The following MCF2L2 variants were observed in gnomAD, a reference collection of about 807,000 sequenced individuals.
MCF2L2 encodes the protein MCF.2 cell line derived transforming sequence-like 2.
In MCF2L2, 102 loss-of-function variants were observed where a neutral mutation model predicts 150.2. The ratio of observed to expected loss-of-function variants is 0.68; its 90% CI spans 0.58 to 0.80. MCF2L2 has a LOEUF of 0.80. MCF2L2 is among the 30% of genes least tolerant of loss of function. MCF2L2 has a pLI of 0.00. For missense variants in MCF2L2, 1,256 were observed against 1,372.8 expected (o/e 0.91, Z 1.34); for synonymous variants, 465 against 491.3 (o/e 0.95, Z 0.71).
At chr3:183,385,212 C>T (rs1304563866) in intron 2 of MCF2L2, among the ~76,000 whole-genome samples, 1 of 151,842 alleles carries the variant, frequency 6.6e-6, no homozygotes, top group Admixed American at 6.6e-5. Flanking sequence ...TTATTTTAAC[C>T]TTTTTAATAT....
chr3:183,303,194 C>CAAAAAAA (rs56742154), intron 10 of MCF2L2, among the ~76,000 whole-genome samples: 1 of 123,970 alleles, frequency 8.1e-6, no homozygotes, highest in African/African-American at 3.2e-5. Flanking sequence ...ACTCTGTCTC[C>CAAAAAAA]AAAAAAAAAA....
intron 3 of MCF2L2, chr3:183,378,834 A>T (rs1236955104): frequency 1.3e-5 from 2 of 151,722 alleles, no homozygotes; most frequent in East Asian, 3.9e-4. Context: ...CCTGGCCAAC[A>T]TAGTGAAACC....
chr3:183,395,407 A>G (rs1714382284), intron 1 of MCF2L2, among the ~76,000 whole-genome samples: 4 of 152,222 alleles, frequency 2.6e-5, no homozygotes, highest in Admixed American at 2.6e-4. Context: ...TGTATGAGAA[A>G]AGAATATATG....
At chr3:183,332,915 G>T (rs887840114) in intron 5 of MCF2L2, among the ~76,000 whole-genome samples, 1 of 152,130 alleles carries the variant, frequency 6.6e-6, no homozygotes, top group Admixed American at 6.6e-5. Flanking sequence ...TCAGAAATTT[G>T]ATTATTAATA....
rs1560034969 is a variant in MCF2L2, at chr3:183,351,221, TATATATATATATA to T, written c.276-9604_276-9592del. Among the ~76,000 whole-genome samples the T allele has an allele frequency of 1.3e-3, 120 of 93,186 alleles. 3 individuals carry two copies. The highest frequency in any genetic ancestry group is 3.9e-3 in the African/African-American group (71 of 17,986). The allele number at this position is 93,186 out of a possible 152,430, so 61.1% of individuals were successfully genotyped here. A position where few individuals can be genotyped will look rare whatever the true frequency, so the allele number is the denominator to read the frequency against. On this transcript the variant is annotated intron_variant, in intron 3 of 29. Transcript: ENST00000328913. ...ATATATATATATATATATATATATA[TATATATATATATA>T]TATTTATTTATTTATTTATCAGAAC...
Position 183,305,869 on chromosome 3 carries a change from G to A in MCF2L2, c.1113+3847C>T, listed in dbSNP as rs1035895386. ...CGTCTCAAAAAAAAGGGCAACTAAG[G>A]AGCAACCCGGATTCAGCCACCACAT... On this transcript the variant is annotated intron_variant, in intron 10 of 29. Coordinates refer to ENST00000328913, the MANE Select transcript of MCF2L2 (RefSeq NM_015078.4). The surrounding 1 kb of genome is among the most constrained non-coding windows in gnomAD (Gnocchi z 4.1). Among the ~76,000 whole-genome samples, 4 of 152,144 alleles carry A rather than the reference G, an allele frequency of 2.6e-5. No individual in the cohort carries two copies. Among genetic ancestry groups the A allele is most frequent in the African/African-American group, 9.7e-5 (4 of 41,430 alleles).
At chr3:183,338,494 A>C (rs145510292) in intron 5 of MCF2L2, among the ~76,000 whole-genome samples, 1 of 151,514 alleles carries the variant, frequency 6.6e-6, no homozygotes, top group African/African-American at 2.4e-5. Flanking sequence ...CCTTCCCTGG[A>C]TCCCCACTGT....
intron 3 of MCF2L2, among the ~76,000 whole-genome samples, chr3:183,356,462 G>A (rs142849065): frequency 6.6e-6 from 1 of 152,198 alleles, no homozygotes; most frequent in East Asian, 1.9e-4. Context: ...GCAGTGAGTC[G>A]AGATTGCGCC....
At chr3:183,380,091 G>T (rs1713429369) in intron 2 of MCF2L2, among the ~76,000 whole-genome samples, 1 of 152,016 alleles carries the variant, frequency 6.6e-6, no homozygotes, top group African/African-American at 2.4e-5. Context: ...TTCCCTTCAA[G>T]AATTTATAAA....
At chr3:183,201,606 T>A (rs1302258168) in intron 25 of MCF2L2, among the ~76,000 whole-genome samples, 1 of 152,240 alleles carries the variant, frequency 6.6e-6, no homozygotes, top group Admixed American at 6.5e-5. Context: ...CCTAATTCAA[T>A]ACCCTTTATT....
At chr3:183,422,872 G>T (rs986200366) in intron 1 of MCF2L2, among the ~76,000 whole-genome samples, 1 of 152,136 alleles carries the variant, frequency 6.6e-6, no homozygotes, top group African/African-American at 2.4e-5. Flanking sequence ...ACTGAGGAAT[G>T]GATCCCTGGG....
chr3:183,367,211 TTTTC>T (rs765523971), intron 3 of MCF2L2, among the ~76,000 whole-genome samples: 17 of 151,820 alleles, frequency 1.1e-4, no homozygotes, highest in Non-Finnish European at 2.2e-4. Context: ...TAATGATTTC[TTTTC>T]TTTCTTTCTT....
chr3:183,253,314 G>C (rs1183708399), intron 15 of MCF2L2: 1 of 150,290 alleles, frequency 6.7e-6, no homozygotes, highest in Non-Finnish European at 1.5e-5. Flanking sequence ...TCCAGTCCTC[G>C]CCCAAGATTT....
intron 3 of MCF2L2, among the ~76,000 whole-genome samples, chr3:183,369,174 G>A (rs1219786370): frequency 1.3e-5 from 2 of 152,128 alleles, no homozygotes; most frequent in Admixed American, 6.6e-5. Flanking sequence ...CTTGAAAACC[G>A]AGTTCTAGGC....
At chr3:183,242,396 GT>G (rs1472096272) in intron 15 of MCF2L2, among the ~76,000 whole-genome samples, 1 of 152,232 alleles carries the variant, frequency 6.6e-6, no homozygotes, top group Non-Finnish European at 1.5e-5. Context: ...GGAAAAAGTG[GT>G]TTTGTGGGCC....
At chr3:183,358,828 T>C (rs1407407155) in intron 3 of MCF2L2, among the ~76,000 whole-genome samples, 1 of 152,120 alleles carries the variant, frequency 6.6e-6, no homozygotes, top group Non-Finnish European at 1.5e-5. Context: ...TCTTGCCGTG[T>C]TGCCCAGGCA....
At chr3:183,219,148 A>G (rs183305408) in intron 21 of MCF2L2, among the ~76,000 whole-genome samples, 12 of 152,346 alleles carry the variant, frequency 7.9e-5, no homozygotes, top group African/African-American at 2.6e-4. Context: ...GCACACACAC[A>G]CACAGAGGAG....
intron 13 of MCF2L2, among the ~76,000 whole-genome samples, chr3:183,294,673 G>A (rs941559539): frequency 1.4e-5 from 2 of 145,348 alleles, no homozygotes; most frequent in Non-Finnish European, 3.0e-5. Flanking sequence ...CTGTCACCCA[G>A]GATGGAGTGC....
chr3:183,179,978 G>T lies in MCF2L2; in HGVS notation c.3105+93C>A. 1 of 1,033,748 alleles carries T rather than the reference G, an allele frequency of 9.7e-7. No homozygotes were observed. The highest frequency in any genetic ancestry group is 1.5e-6 in the Non-Finnish European group (1 of 667,494). 64.0% of individuals were successfully genotyped at this position (1,033,748 alleles called of 1,614,324 possible). On this transcript the variant is annotated intron_variant, in intron 28 of 29. Transcript: ENST00000328913. This position sits in a 1 kb window ranked among gnomAD's most constrained non-coding sequence, Gnocchi z 4.2. The stretch of plus-strand genomic sequence containing the variant: ...CTTATGGGTGAGAATCCTGAGGAGG[G>T]GGAGAGGGATGGAGGCTAGGGACAG...
Sources: gnomAD v4.1 joint callset for allele counts (sites outside exome capture counted in the v4.1 genomes callset) on GRCh38, gnomAD v4.1.1 for gene constraint, Gnocchi (gnomAD v3.1) non-coding constraint, MANE v1.5 for transcripts, NCBI Gene and HGNC (gene_info 2026-07-23, HGNC 2026-07-21) for gene names.